Variants in SGCD observed in about 807,000 individuals in gnomAD.
SGCD encodes the protein sarcoglycan delta.
SGCD carries 18 observed loss-of-function variants against 36.6 expected under a neutral mutation model. The observed-to-expected ratio is 0.49, with a 90% CI of 0.34 to 0.73. The LOEUF is 0.73. SGCD is among the 30% of genes least tolerant of loss of function. SGCD has a pLI of 0.01. For missense variants in SGCD, 387 were observed against 346.7 expected (o/e 1.12, Z -0.92); for synonymous variants, 133 against 130.6 (o/e 1.02, Z -0.12).
At chr5:156,118,558 C>T (rs892538926) in intron 2 of SGCD, among the ~76,000 whole-genome samples, 1 of 152,214 alleles carries the variant, frequency 6.6e-6, no homozygotes, top group South Asian at 2.1e-4. Flanking sequence ...CAGCAAAGCC[C>T]AACCCATGTT....
chr5:155,828,678 ATTTTTTT>A, the SGCD span, among the ~76,000 whole-genome samples: 13 of 145,914 alleles, frequency 8.9e-5, no homozygotes, highest in Admixed American at 6.2e-4. Flanking sequence ...TTTACTTTTT[ATTTTTTT>A]TTTTATATTT....
At chr5:156,630,593 T>G (rs1762596955) in intron 6 of SGCD, among the ~76,000 whole-genome samples, 1 of 152,238 alleles carries the variant, frequency 6.6e-6, no homozygotes, top group Non-Finnish European at 1.5e-5. Context: ...CTCAAGTTGT[T>G]AGTTGCTTAA....
chr5:156,257,003 AC>A (rs1475408631), intron 3 of SGCD, among the ~76,000 whole-genome samples: 2 of 151,854 alleles, frequency 1.3e-5, no homozygotes, highest in Non-Finnish European at 1.5e-5. Flanking sequence ...ACATAACGAG[AC>A]CCCCATCTCC....
At chr5:156,420,370 A>G (rs879506149) in intron 3 of SGCD, among the ~76,000 whole-genome samples, 2 of 152,138 alleles carry the variant, frequency 1.3e-5, no homozygotes, top group South Asian at 4.1e-4. Context: ...TATAATGTGA[A>G]GCATGAGGGA....
chr5:155,789,313 TTAAC>T, the SGCD span, among the ~76,000 whole-genome samples: 1 of 152,162 alleles, frequency 6.6e-6, no homozygotes, highest in Admixed American at 6.6e-5. Context: ...AAAAGTGTTA[TTAAC>T]TGTTTATTGA....
intron 6 of SGCD, among the ~76,000 whole-genome samples, chr5:156,637,475 A>G (rs1188898306): frequency 6.6e-6 from 1 of 152,172 alleles, no homozygotes; most frequent in Non-Finnish European, 1.5e-5. Flanking sequence ...AGCTCCAGAT[A>G]TCATGCTGAT....
chr5:155,988,503 G>A (rs35922649), intron 1 of SGCD, among the ~76,000 whole-genome samples: 8,245 of 152,254 alleles, frequency 0.054, 330 homozygotes, highest in Middle Eastern at 0.13. Context: ...AGAAAAGGAA[G>A]AGTGACAGAC....
At chr5:156,217,631 G>T (rs1412672361) in intron 3 of SGCD, among the ~76,000 whole-genome samples, 1 of 152,116 alleles carries the variant, frequency 6.6e-6, no homozygotes, top group Non-Finnish European at 1.5e-5. Flanking sequence ...TGCTGAGAAT[G>T]CTTTAACCCA....
chr5:156,348,606 CACAA>C (rs1409307188), intron 3 of SGCD, among the ~76,000 whole-genome samples: 2 of 152,064 alleles, frequency 1.3e-5, no homozygotes, highest in African/African-American at 4.8e-5. Context: ...TCGTGGAAGA[CACAA>C]ACAAATGGAA....
chr5:156,385,276 T>C (rs1056412043), intron 3 of SGCD, among the ~76,000 whole-genome samples: 5 of 152,200 alleles, frequency 3.3e-5, no homozygotes, highest in African/African-American at 1.2e-4. Context: ...CCCCTAAATT[T>C]AAAGTCTAGA....
At chr5:155,984,816 C>A (rs1758297025) in intron 1 of SGCD, among the ~76,000 whole-genome samples, 1 of 152,166 alleles carries the variant, frequency 6.6e-6, no homozygotes, top group African/African-American at 2.4e-5. Context: ...CAGGTGCTCC[C>A]CCTCCGTTTT....
At chr5:156,580,315 A>T (rs1462631051) in intron 4 of SGCD, among the ~76,000 whole-genome samples, 2 of 152,174 alleles carry the variant, frequency 1.3e-5, no homozygotes, top group African/African-American at 4.8e-5. Context: ...CTTTGTGGGT[A>T]ACCCAACCGT....
chr5:156,106,211 G>T (rs1392445909), intron 1 of SGCD, among the ~76,000 whole-genome samples: 2 of 149,366 alleles, frequency 1.3e-5, no homozygotes, highest in Non-Finnish European at 3.0e-5. Flanking sequence ...CTGCTTATGT[G>T]TAGGGACAGG....
intron 3 of SGCD, among the ~76,000 whole-genome samples, chr5:156,449,475 CA>C (rs1241451435): frequency 2.0e-5 from 3 of 151,436 alleles, no homozygotes; most frequent in Admixed American, 6.6e-5. Context: ...GGGACTTAGA[CA>C]AGGAAGGATA....
At chr5:156,210,642 TG>T (rs1222687199) in intron 3 of SGCD, among the ~76,000 whole-genome samples, 2 of 151,786 alleles carry the variant, frequency 1.3e-5, no homozygotes, top group African/African-American at 4.8e-5. Context: ...ACAGAAGTCC[TG>T]GGACTGAAAA....
intron 6 of SGCD, among the ~76,000 whole-genome samples, chr5:156,646,225 T>C (rs996868934): frequency 6.6e-6 from 1 of 152,176 alleles, no homozygotes; most frequent in Non-Finnish European, 1.5e-5. Flanking sequence ...ATGAGCATCT[T>C]GTTCTTCACT....
rs528941825 is a variant in SGCD at position 156,617,491 on chromosome 5, T to C, written c.502+22440T>C. On this transcript the variant is annotated intron_variant, in intron 6 of 8. Transcript: ENST00000337851. ...CTGTGACATCATTAACAGAAATTTA[T>C]AGGAGCAATGGCAGATTTGGGATTG... Among the ~76,000 whole-genome samples the C allele has an allele frequency of 9.8e-5, 15 of 152,292 alleles. No homozygotes were observed. The East Asian group carries it at 2.7e-3, about 27-fold the overall frequency.
chr5:156,078,820 A>G (rs1760869567), intron 1 of SGCD, among the ~76,000 whole-genome samples: 1 of 150,682 alleles, frequency 6.6e-6, no homozygotes, highest in Non-Finnish European at 1.5e-5. Flanking sequence ...AATTTTATTC[A>G]GGTTTTTGCA....
intron 7 of SGCD, among the ~76,000 whole-genome samples, chr5:156,730,509 G>A (rs377477593): frequency 6.6e-6 from 1 of 152,040 alleles, no homozygotes; most frequent in African/African-American, 2.4e-5. Flanking sequence ...AGTTTGTTAA[G>A]GATAATGACC....
Sources: gnomAD v4.1 joint callset for allele counts (sites outside exome capture counted in the v4.1 genomes callset) on GRCh38, gnomAD v4.1.1 for gene constraint, MANE v1.5 for transcripts, NCBI Gene and HGNC (gene_info 2026-07-23, HGNC 2026-07-21) for gene names.